Variants in PCDHGA7 observed in about 807,000 individuals in gnomAD.
PCDHGA7 encodes the protein protocadherin gamma subfamily A, 7.
PCDHGA7 carries 44 observed loss-of-function variants against 58.3 expected under a neutral mutation model. That is an observed-to-expected ratio of 0.75 (90% CI 0.59 to 0.97). The LOEUF is 0.97. Ranked by LOEUF, PCDHGA7 falls within the 50% of genes least tolerant of loss-of-function variation. The probability of loss-of-function intolerance (pLI) is 0.00; values close to 1 mark genes in which losing one functional copy is unlikely to be tolerated. For synonymous variants in PCDHGA7, 516 were observed against 504.2 expected (o/e 1.02, Z -0.31); for missense variants, 1,266 against 1,188.7 (o/e 1.06, Z -0.96).
chr5:141,409,756 C>G, intron 1 of PCDHGA7: 1 of 1,612,994 alleles, frequency 6.2e-7, no homozygotes, highest in Non-Finnish European at 8.5e-7. Context: ...TCGCGCAGCG[C>G]GCCTTTGATC....
chr5:141,447,225 C>T (rs966197293), intron 1 of PCDHGA7, among the ~76,000 whole-genome samples: 9 of 151,960 alleles, frequency 5.9e-5, no homozygotes, highest in African/African-American at 7.3e-5. Flanking sequence ...CTGCAACCTC[C>T]GCCTCCCGGG....
At chr5:141,501,333 A>C (rs200092587) in intron 2 of PCDHGA7, among the ~76,000 whole-genome samples, 397 of 140,104 alleles carry the variant, frequency 2.8e-3, no homozygotes, top group Non-Finnish European at 2.6e-3. Flanking sequence ...ACACACACAC[A>C]CCCCAAACTC....
At chr5:141,393,301 G>A (rs1398078406) in intron 1 of PCDHGA7, 2 of 1,613,768 alleles carry the variant, frequency 1.2e-6, no homozygotes, top group Non-Finnish European at 1.7e-6. Context: ...CCGGATGTGG[G>A]CGTGAACTCC....
chr5:141,471,017 A>G (rs989277146), intron 1 of PCDHGA7, among the ~76,000 whole-genome samples: 3 of 143,850 alleles, frequency 2.1e-5, no homozygotes, highest in African/African-American at 7.8e-5. Context: ...GTGCCTGGTC[A>G]ATCATTTTTA....
chr5:141,510,949 G>C lies in PCDHGA7; in HGVS notation c.2575G>C (p.Ala859Pro), dbSNP rs762789865. The C allele has an allele frequency of 2.2e-5, 36 of 1,614,012 alleles. No homozygotes were observed. The highest frequency in any genetic ancestry group is 3.0e-5 in the Non-Finnish European group (35 of 1,180,020). ...CTGATCTTCCTCTGTCTCTGCAGAA[G>C]CTGCTGATGGGAGCTCCACCCTGGG... ...QAMILASASE[A>P]ADGSSTLGGG... is the part of the protein sequence containing the mutation. The change falls in exon 4 of 4, where the codon GCT (alanine) becomes CCT (proline). Residue 859 changes from alanine (A) to proline (P), a missense_variant and splice_region_variant. Coordinates refer to ENST00000518325, the MANE Select transcript of PCDHGA7 (RefSeq NM_018920.4).
At position 141,385,171 on chromosome 5, in the gene PCDHGA7, T is replaced by C; in HGVS notation, c.2272T>C (p.Ser758Pro). ...CCTGCAGACCTATTCCCATGAGGTC[T>C]CCCTCACCGCGGACTCTCGGAAGAG... The part of the protein sequence containing the change: ...AFLQTYSHEV[S>P]LTADSRKSHL... The change falls in exon 1 of 4, where the codon TCC becomes CCC. Residue 758 changes from serine to proline, a missense_variant. Transcript: ENST00000518325. 1 of 1,614,170 alleles carries C rather than the reference T, an allele frequency of 6.2e-7. No homozygotes were observed. Among genetic ancestry groups the C allele is most frequent in the South Asian group, 1.1e-5 (1 of 91,084 alleles).
intron 1 of PCDHGA7, among the ~76,000 whole-genome samples, chr5:141,450,832 T>TTATTA (rs764784095): frequency 5.6e-5 from 8 of 142,316 alleles, no homozygotes; most frequent in African/African-American, 2.2e-4. Context: ...TATTATTATT[T>TTATTA]TTTTTTTTTT....
In PCDHGA7 at chr5:141,511,259, A is replaced by G; in HGVS notation, c.*86A>G. On this transcript the variant is annotated 3_prime_UTR_variant, in exon 4 of 4. Transcript: ENST00000518325. ...ACCTGCACCCAGGCCTCAGAGTTTCAGGGCTAACCCCCAGAATACTGGTAG... is the reference window on the plus strand; with the variant it reads ...ACCTGCACCCAGGCCTCAGAGTTTCGGGGCTAACCCCCAGAATACTGGTAG... 1.3e-6 allele frequency: 2 copies of G among 1,559,840 alleles called. No individual in the cohort carries two copies. The highest frequency in any genetic ancestry group is 1.7e-6 in the Non-Finnish European group (2 of 1,152,466).
Position 141,394,738 on chromosome 5 carries a change from T to G in PCDHGA7, c.2424+9415T>G. ...GACAGAGATGCGCTCAAGCAGAGCCTCGTGGTGGCCGTCCAGGACCATGGC... is the reference window on the plus strand; with the variant it reads ...GACAGAGATGCGCTCAAGCAGAGCCGCGTGGTGGCCGTCCAGGACCATGGC... On this transcript the variant is annotated intron_variant, in intron 1 of 3. Coordinates refer to ENST00000518325, the MANE Select transcript of PCDHGA7 (RefSeq NM_018920.4). 3 of 1,613,412 alleles carry G rather than the reference T, an allele frequency of 1.9e-6. No homozygotes were observed. The African/African-American group carries it at 4.0e-5, about 21-fold the overall frequency.
At chr5:141,411,880 A>G (rs1030232942) in intron 1 of PCDHGA7, 2 of 152,240 alleles carry the variant, frequency 1.3e-5, no homozygotes, top group African/African-American at 4.8e-5. Flanking sequence ...GACATTTCTA[A>G]GAAATAAATG....
chr5:141,386,298 A>T (rs1459802596), intron 1 of PCDHGA7, among the ~76,000 whole-genome samples: 1 of 152,242 alleles, frequency 6.6e-6, no homozygotes, highest in African/African-American at 2.4e-5. Flanking sequence ...ACATTTTAGT[A>T]AAGCTCAGTA....
intron 1 of PCDHGA7, chr5:141,399,025 CAAAAG>C (rs750003738): frequency 6.8e-6 from 11 of 1,613,846 alleles, no homozygotes; most frequent in Admixed American, 5.0e-5. Context: ...AATTACCACT[CAAAAG>C]AAACTGGATT....
intron 1 of PCDHGA7, chr5:141,404,536 G>A: frequency 6.2e-7 from 1 of 1,613,922 alleles, no homozygotes; most frequent in Non-Finnish European, 8.5e-7. Flanking sequence ...TTAGAGATTT[G>A]CAAATGCAGG....
chr5:141,477,639 G>T lies in PCDHGA7; in HGVS notation c.2425-17168G>T, dbSNP rs2099414883. ...GGAGCTGAAACCGGGCTAGTGGGTCGCTATTTCACAATAAATCGTGACAAT... is the reference window on the plus strand; with the variant it reads ...GGAGCTGAAACCGGGCTAGTGGGTCTCTATTTCACAATAAATCGTGACAAT... On this transcript the variant is annotated intron_variant, in intron 1 of 3. Transcript: ENST00000518325. The surrounding 1 kb of genome is among the most constrained non-coding windows in gnomAD (Gnocchi z 4.9). 3.1e-6 allele frequency: 5 copies of T among 1,614,004 alleles called. No homozygotes were observed. Among genetic ancestry groups the T allele is most frequent in the Non-Finnish European group, 4.2e-6 (5 of 1,180,034 alleles).
rs186028114 is a variant in PCDHGA7, at chr5:141,387,416, T to C, written c.2424+2093T>C. ...ATGTTTGAAGATTGGGGAAAGCTTA[T>C]GTCAATAAATGTTTATGTACTTAAT... On this transcript the variant is annotated intron_variant, in intron 1 of 3. Coordinates refer to ENST00000518325, the MANE Select transcript of PCDHGA7 (RefSeq NM_018920.4). 6.8e-4 allele frequency among the ~76,000 whole-genome samples: 103 copies of C among 152,364 alleles called. 1 individual carries two copies. The highest frequency in any genetic ancestry group is 3.4e-3 in the Middle Eastern group (1 of 294).
Position 141,476,656 on chromosome 5 carries a change from T to G in PCDHGA7, c.2425-18151T>G, listed in dbSNP as rs190269177. On this transcript the variant is annotated intron_variant, in intron 1 of 3. Transcript: ENST00000518325. The surrounding 1 kb of genome is among the most constrained non-coding windows in gnomAD (Gnocchi z 7.6). ...ATGAGCTGAGCCGAAATGAATACTTTGCGCTTCGCGTGCAGACGCGGGAGG... is the reference window on the plus strand; with the variant it reads ...ATGAGCTGAGCCGAAATGAATACTTGGCGCTTCGCGTGCAGACGCGGGAGG... The G allele has an allele frequency of 1.2e-6, 2 of 1,614,210 alleles. No individual in the cohort carries two copies. The highest frequency in any genetic ancestry group is 1.7e-6 in the Non-Finnish European group (2 of 1,180,044).
chr5:141,461,845 C>CA (rs2099025049), intron 1 of PCDHGA7, among the ~76,000 whole-genome samples: 1 of 151,000 alleles, frequency 6.6e-6, no homozygotes. Context: ...TTTTTTGAGA[C>CA]AGAGTTTTGC....
rs147534370 is a variant in PCDHGA7 at position 141,511,170 on chromosome 5, G to A, written c.2796G>A (p.Lys932=). ...AGAAGTCGGGCAAGAAGGAGAAGAA[G>A]TAACATGGAGGCCAGGCCAAGAGCC... ...NKKKSGKKEK[K] The change falls in exon 4 of 4, where the codon AAG becomes AAA. Residue 932 remains lysine (K), a synonymous_variant. Coordinates refer to ENST00000518325, the MANE Select transcript of PCDHGA7 (RefSeq NM_018920.4). 1.9e-6 allele frequency: 3 copies of A among 1,613,988 alleles called. No homozygotes were observed. The highest frequency in any genetic ancestry group is 2.5e-6 in the Non-Finnish European group (3 of 1,179,990).
intron 1 of PCDHGA7, chr5:141,478,644 T>C (rs1217932733): frequency 6.4e-7 from 1 of 1,552,238 alleles, no homozygotes. Flanking sequence ...GATGAAGATG[T>C]TTTCCTGGTG....
Sources: allele counts gnomAD v4.1 joint callset (sites outside exome capture counted in the v4.1 genomes callset), GRCh38; gene constraint gnomAD v4.1.1; non-coding constraint Gnocchi (gnomAD v3.1); transcripts MANE v1.5; gene names NCBI Gene and HGNC (gene_info 2026-07-23, HGNC 2026-07-21).